Variants in HSD17B4 observed in about 807,000 individuals in gnomAD.
HSD17B4 encodes peroxisomal multifunctional enzyme type 2.
In HSD17B4, 70 loss-of-function variants were observed where a neutral mutation model predicts 101.0. The observed-to-expected ratio is 0.69, with a 90% CI of 0.57 to 0.85. The LOEUF (loss-of-function observed/expected upper bound fraction) is 0.85, where lower values mean the gene tolerates loss of function less well. Among genes scored for constraint, HSD17B4 ranks in the 40% least tolerant of loss-of-function variants. The pLI is 0.00. For synonymous variants in HSD17B4, 347 were observed against 297.1 expected, an observed-to-expected ratio of 1.17 and a Z score of -1.73; for missense variants, 984 against 892.4, an observed-to-expected ratio of 1.10 and a Z score of -1.31.
At chr5:119,485,419 C>T (rs1749528895) in intron 8 of HSD17B4, among the ~76,000 whole-genome samples, 1 of 152,094 alleles carries the variant, frequency 6.6e-6, no homozygotes, top group African/African-American at 2.4e-5. Flanking sequence ...AGACAAATGA[C>T]TTAATCTTTC....
chr5:119,503,381 C>T (rs2126794963), intron 14 of HSD17B4, among the ~76,000 whole-genome samples: 1 of 152,022 alleles, frequency 6.6e-6, no homozygotes, highest in East Asian at 1.9e-4. Flanking sequence ...TTTTTTACCT[C>T]CTTAGCCTCA....
intron 13 of HSD17B4, among the ~76,000 whole-genome samples, chr5:119,501,823 A>G (rs1751193948): frequency 6.6e-6 from 1 of 152,184 alleles, no homozygotes; most frequent in Admixed American, 6.5e-5. Flanking sequence ...AAGAACACAA[A>G]TATATCTTCT....
At chr5:119,506,916 A>G (rs763419417) in intron 15 of HSD17B4, 27 bp downstream of exon 15, 8 of 1,148,430 alleles carry the variant, frequency 7.0e-6, no homozygotes, top group Non-Finnish European at 7.9e-6. Context: ...TCTTATAATA[A>G]TATTGTTAGA....
chr5:119,507,775 C>T (rs894873808), intron 15 of HSD17B4, among the ~76,000 whole-genome samples: 3 of 142,174 alleles, frequency 2.1e-5, no homozygotes, highest in African/African-American at 8.3e-5. Flanking sequence ...CTGAGCAAGA[C>T]TCTGTACCAA....
rs529006848 is a variant in HSD17B4 at position 119,467,034 on chromosome 5, C to T, written c.113-6874C>T. ...TTTTCTTCTTAATTTCTTTGCTACCCGTTGGTTATTCAGGAATATGTTGTT... is the reference window on the plus strand; with the variant it reads ...TTTTCTTCTTAATTTCTTTGCTACCTGTTGGTTATTCAGGAATATGTTGTT... On this transcript the variant is annotated intron_variant, in intron 2 of 23. Coordinates refer to ENST00000510025, the MANE Select transcript of HSD17B4 (RefSeq NM_000414.4). Among the ~76,000 whole-genome samples the T allele has an allele frequency of 7.9e-5, 12 of 152,140 alleles. No individual in the cohort carries two copies. The South Asian group carries it at 8.3e-4, about 11-fold the overall frequency.
intron 12 of HSD17B4, among the ~76,000 whole-genome samples, chr5:119,498,118 G>A (rs1015586185): frequency 2.0e-5 from 3 of 152,160 alleles, no homozygotes; most frequent in Admixed American, 2.0e-4. Context: ...TAAAAAAACT[G>A]TACTGGATAA....
At chr5:119,494,321 TTTCTTTTCTTTCTTTCTTTC>T (rs747282005) in intron 11 of HSD17B4, among the ~76,000 whole-genome samples, 4 of 146,780 alleles carry the variant, frequency 2.7e-5, no homozygotes, top group South Asian at 2.2e-4. Context: ...CCTTTCTTTC[TTTCTTTTCTTTCTTTCTTTC>T]TTTCTTTCTT....
chr5:119,500,516 G>A (rs1751060940), intron 13 of HSD17B4, among the ~76,000 whole-genome samples: 1 of 151,958 alleles, frequency 6.6e-6, no homozygotes, highest in Non-Finnish European at 1.5e-5. Flanking sequence ...TATGTTTGAG[G>A]TGTCTGTTAC....
intron 1 of HSD17B4, among the ~76,000 whole-genome samples, chr5:119,453,916 G>A (rs975824297): frequency 2.4e-4 from 36 of 152,132 alleles, no homozygotes; most frequent in African/African-American, 8.2e-4. Context: ...TTTCATGCAG[G>A]AGGTCCAGGG....
At chr5:119,530,809 C>T (rs1754005554) in intron 21 of HSD17B4, among the ~76,000 whole-genome samples, 1 of 126,322 alleles carries the variant, frequency 7.9e-6, no homozygotes, top group South Asian at 2.5e-4. Flanking sequence ...GCCAAGATTG[C>T]ACTACTGCAT....
In HSD17B4 at chr5:119,506,469, A is replaced by G. The variant is rs963769331; in HGVS notation, c.1262-349A>G. ...CTTTGCTATTGTGAATAGTGCCACA[A>G]TAAATATACGTGTGCATGTGTCTTT... is the stretch of plus-strand genomic sequence containing the variant. On this transcript the variant is annotated intron_variant, in intron 14 of 23. Coordinates refer to ENST00000510025, the MANE Select transcript of HSD17B4 (RefSeq NM_000414.4). 2.6e-5 allele frequency among the ~76,000 whole-genome samples: 4 copies of G among 152,240 alleles called. No homozygotes were observed. The South Asian group carries it at 6.2e-4, about 24-fold the overall frequency.
At chr5:119,465,603 C>T (rs1365674413) in intron 2 of HSD17B4, among the ~76,000 whole-genome samples, 1 of 152,166 alleles carries the variant, frequency 6.6e-6, no homozygotes, top group Non-Finnish European at 1.5e-5. Context: ...TCAGGTATTT[C>T]CTATAACAAT....
At position 119,461,449 on chromosome 5, in the gene HSD17B4, T is replaced by C. The variant is rs1755227184; in HGVS notation, c.112+5081T>C. ...ATGATAATAACCAATGTTGTGAGAA[T>C]GTGGGGTAACAGGCATTCTCACAAA... On this transcript the variant is annotated intron_variant, in intron 2 of 23. Transcript: ENST00000510025. 2.0e-5 allele frequency among the ~76,000 whole-genome samples: 3 copies of C among 152,216 alleles called. No individual in the cohort carries two copies. In the South Asian group the frequency reaches 6.2e-4, roughly 32 times the overall value.
intron 17 of HSD17B4, among the ~76,000 whole-genome samples, chr5:119,518,469 C>T (rs1012151522): frequency 1.3e-5 from 2 of 151,998 alleles, no homozygotes; most frequent in Non-Finnish European, 2.9e-5. Context: ...CAGAAGGGTT[C>T]GATAGTAAGA....
chr5:119,473,954 A>C lies in HSD17B4; in HGVS notation c.159A>C (p.Leu53Phe). The change falls in exon 3 of 24, where the codon TTA (leucine) becomes TTC (phenylalanine). Residue 53 changes from leucine to phenylalanine, a missense_variant. Leu to Phe is a conservative substitution (Grantham distance 22). Transcript: ENST00000510025. The stretch of plus-strand genomic sequence containing the variant: ...TCAAAGGAGTTGGTAAAGGCTCCTT[A>C]GCTGCTGATAAGGTTGTTGAAGAAA... The part of the protein sequence containing the change: ...GDFKGVGKGS[L>F]AADKVVEEIR... 1 of 1,613,040 alleles carries C rather than the reference A, an allele frequency of 6.2e-7. No homozygotes were observed. The highest frequency in any genetic ancestry group is 1.3e-5 in the African/African-American group (1 of 75,036).
rs533139388 is a variant in HSD17B4, at chr5:119,486,496, A to G, written c.623-2696A>G. ...TTTAATTTTTTTTAATAAAAATTGC[A>G]TGAATAAACACTTTATTGTTTGGTT... On this transcript the variant is annotated intron_variant, in intron 8 of 23. Transcript: ENST00000510025. Among the ~76,000 whole-genome samples the G allele has an allele frequency of 1.1e-4, 16 of 152,262 alleles. No homozygotes were observed. In the East Asian group the frequency reaches 2.5e-3, roughly 24 times the overall value.
intron 2 of HSD17B4, among the ~76,000 whole-genome samples, chr5:119,471,906 T>C (rs1756410214): frequency 6.6e-6 from 1 of 152,222 alleles, no homozygotes; most frequent in Non-Finnish European, 1.5e-5. Flanking sequence ...TACTTAACTT[T>C]CAATAGATTA....
chr5:119,513,062 A>C lies in HSD17B4; in HGVS notation c.1438-1919A>C, dbSNP rs540916372. ...ATGTCCTGGGCCCGCATTTAAAAAA[A>C]AGTTGTCCTCACTTATTGCTTGGAT... On this transcript the variant is annotated intron_variant, in intron 16 of 23. Transcript: ENST00000510025. Among the ~76,000 whole-genome samples, 5 of 152,362 alleles carry C rather than the reference A, an allele frequency of 3.3e-5. No individual in the cohort carries two copies. In the East Asian group the frequency reaches 9.6e-4, roughly 29 times the overall value.
At chr5:119,468,970 C>T (rs1756085994) in intron 2 of HSD17B4, among the ~76,000 whole-genome samples, 1 of 150,276 alleles carries the variant, frequency 6.7e-6, no homozygotes, top group African/African-American at 2.4e-5. Flanking sequence ...ATCAGTTGGG[C>T]AATGTGCTTA....
Sources: gnomAD v4.1 joint callset for allele counts (sites outside exome capture counted in the v4.1 genomes callset) on GRCh38, gnomAD v4.1.1 for gene constraint, MANE v1.5 for transcripts, NCBI Gene and HGNC (gene_info 2026-07-23, HGNC 2026-07-21) for gene names.